Variants in PABPC4L observed in about 807,000 individuals in gnomAD.
PABPC4L encodes poly(A) binding protein cytoplasmic 4 like.
For synonymous variants in PABPC4L, 169 were observed against 164.1 expected, an observed-to-expected ratio of 1.03 and a Z score of -0.23; for missense variants, 452 against 451.4, an observed-to-expected ratio of 1.00 and a Z score of -0.01.
At chr4:134,120,803 G>T in the PABPC4L span, among the ~76,000 whole-genome samples, 2 of 151,380 alleles carry the variant, frequency 1.3e-5, no homozygotes, top group East Asian at 3.9e-4. Context: ...TGTGTTTAGG[G>T]TTTGTGTGTG....
the PABPC4L span, among the ~76,000 whole-genome samples, chr4:134,188,749 C>G: frequency 6.6e-6 from 1 of 152,006 alleles, no homozygotes; most frequent in East Asian, 1.9e-4. Flanking sequence ...CTTTATTTTT[C>G]TGCAGTTTGA....
the PABPC4L span, among the ~76,000 whole-genome samples, chr4:134,107,441 T>C: frequency 6.6e-6 from 1 of 151,664 alleles, no homozygotes; most frequent in East Asian, 1.9e-4. Context: ...ACGTGTTTAC[T>C]TAAAGGAAGT....
chr4:134,022,514 C>T, the PABPC4L span, among the ~76,000 whole-genome samples: 1 of 151,970 alleles, frequency 6.6e-6, no homozygotes, highest in African/African-American at 2.4e-5. Context: ...TTAACTGGCT[C>T]ATAATTTACA....
At chr4:133,972,727 G>A in the PABPC4L span, among the ~76,000 whole-genome samples, 1 of 152,092 alleles carries the variant, frequency 6.6e-6, no homozygotes, top group Non-Finnish European at 1.5e-5. Context: ...ATTATGTAAG[G>A]CTGAAAAATC....
At chr4:134,144,058 T>G in the PABPC4L span, among the ~76,000 whole-genome samples, 1 of 151,598 alleles carries the variant, frequency 6.6e-6, no homozygotes, top group Non-Finnish European at 1.5e-5. Flanking sequence ...AAGGCTGAAA[T>G]AGTACAAGAT....
At chr4:134,012,003 T>A in the PABPC4L span, among the ~76,000 whole-genome samples, 1 of 152,162 alleles carries the variant, frequency 6.6e-6, no homozygotes, top group Non-Finnish European at 1.5e-5. Flanking sequence ...TGTTAATCTT[T>A]GTATATACTG....
chr4:133,997,021 A>G, the PABPC4L span, among the ~76,000 whole-genome samples: 1 of 152,192 alleles, frequency 6.6e-6, no homozygotes, highest in Non-Finnish European at 1.5e-5. Flanking sequence ...CCTTCAGCTT[A>G]ATCCTCTCCC....
At chr4:134,141,728 T>G in the PABPC4L span, among the ~76,000 whole-genome samples, 1 of 151,634 alleles carries the variant, frequency 6.6e-6, no homozygotes, top group African/African-American at 2.4e-5. Flanking sequence ...TTTCATATAT[T>G]TATAAATGTC....
the PABPC4L span, among the ~76,000 whole-genome samples, chr4:134,148,591 C>G: frequency 6.6e-6 from 1 of 152,062 alleles, no homozygotes; most frequent in Admixed American, 6.6e-5. Flanking sequence ...CCTTTGGTTA[C>G]CAATTGCTTT....
the PABPC4L span, among the ~76,000 whole-genome samples, chr4:134,119,464 T>A: frequency 6.6e-6 from 1 of 151,708 alleles, no homozygotes; most frequent in Non-Finnish European, 1.5e-5. Flanking sequence ...TGGGGGGAAA[T>A]AATGTGAGAA....
the PABPC4L span, among the ~76,000 whole-genome samples, chr4:133,954,148 T>A: frequency 2.0e-5 from 3 of 152,176 alleles, no homozygotes; most frequent in African/African-American, 7.2e-5. Flanking sequence ...TGGGTTTAAT[T>A]CCCTTAAGGG....
the PABPC4L span, among the ~76,000 whole-genome samples, chr4:133,949,111 G>T: frequency 1.3e-5 from 2 of 152,182 alleles, no homozygotes; most frequent in African/African-American, 2.4e-5. Flanking sequence ...CAGTTGTGTG[G>T]CATGGGGGCC....
the PABPC4L span, among the ~76,000 whole-genome samples, chr4:134,186,004 G>C: frequency 2.0e-5 from 3 of 152,060 alleles, no homozygotes; most frequent in Non-Finnish European, 4.4e-5. Flanking sequence ...TCTTCAAGGA[G>C]AAATACAAAC....
At chr4:134,045,569 T>C in the PABPC4L span, among the ~76,000 whole-genome samples, 2 of 152,168 alleles carry the variant, frequency 1.3e-5, no homozygotes, top group Non-Finnish European at 2.9e-5. Context: ...ACTTTGTCCT[T>C]GGAAGAGGCT....
the PABPC4L span, among the ~76,000 whole-genome samples, chr4:133,979,156 G>T: frequency 6.6e-6 from 1 of 152,166 alleles, no homozygotes; most frequent in Admixed American, 6.5e-5. Context: ...AATTATTAAA[G>T]TTGACTAAGT....
At chr4:134,043,993 C>T in the PABPC4L span, among the ~76,000 whole-genome samples, 18 of 151,796 alleles carry the variant, frequency 1.2e-4, no homozygotes, top group East Asian at 5.9e-4. Context: ...GTGTCTCAAA[C>T]GACACCTAGG....
At chr4:134,125,230 T>G in the PABPC4L span, among the ~76,000 whole-genome samples, 108 of 152,122 alleles carry the variant, frequency 7.1e-4, 1 homozygote, top group Middle Eastern at 6.8e-3. Flanking sequence ...ATATTGAACC[T>G]GGGTACTCCT....
chr4:134,038,306 G>A, the PABPC4L span, among the ~76,000 whole-genome samples: 1 of 152,098 alleles, frequency 6.6e-6, no homozygotes, highest in Non-Finnish European at 1.5e-5. Flanking sequence ...GTCTCTGCCA[G>A]GTTTTGGTAT....
the PABPC4L span, among the ~76,000 whole-genome samples, chr4:134,184,454 T>C: frequency 1.8e-4 from 28 of 152,130 alleles, no homozygotes; most frequent in East Asian, 4.8e-3. Flanking sequence ...ATCTCCACAC[T>C]TTTACCTTTT....
Sources: allele counts gnomAD v4.1 joint callset (sites outside exome capture counted in the v4.1 genomes callset), GRCh38; gene constraint gnomAD v4.1.1; transcripts MANE v1.5; gene names NCBI Gene and HGNC (gene_info 2026-07-23, HGNC 2026-07-21).